The following SYTL5 variants were observed in gnomAD, a reference collection of about 807,000 sequenced individuals.
The protein encoded by SYTL5 is synaptotagmin like 5.
A neutral mutation model predicts 55.9 loss-of-function variants in SYTL5; 34 were observed. That is an observed-to-expected ratio of 0.61 (90% CI 0.46 to 0.81). SYTL5 has a LOEUF of 0.81. Among genes scored for constraint, SYTL5 ranks in the 30% least tolerant of loss-of-function variants. The pLI is 0.00. For missense variants in SYTL5, 637 were observed against 546.7 expected, an observed-to-expected ratio of 1.17 and a Z score of -1.65; for synonymous variants, 221 against 188.7, an observed-to-expected ratio of 1.17 and a Z score of -1.40.
In SYTL5 at chrX:38,106,490, C is replaced by T; in HGVS notation, c.1156-103C>T. Reference sequence around the variant, plus strand: ...TCTTTCCTCACCCTAGACTTCCATGCTCATTATAAAGAACAGGAACTATAA... The same window carrying T: ...TCTTTCCTCACCCTAGACTTCCATGTTCATTATAAAGAACAGGAACTATAA... On this transcript the variant is annotated intron_variant, in intron 10 of 16. Coordinates refer to ENST00000297875, the MANE Select transcript of SYTL5 (RefSeq NM_138780.3). The T allele has an allele frequency of 1.6e-5, 12 of 752,036 alleles. No individual in the cohort carries two copies. The South Asian group carries it at 2.6e-4, about 16-fold the overall frequency. The allele number at this position is 752,036 out of a possible 1,213,427, so 62.0% of individuals were successfully genotyped here. A position where few individuals can be genotyped will look rare whatever the true frequency, so the allele number is the denominator to read the frequency against.
At chrX:37,980,339 A>G in the SYTL5 span, among the ~76,000 whole-genome samples, 4 of 111,726 alleles carry the variant, frequency 3.6e-5, no homozygotes. Flanking sequence ...TGGTTCCACA[A>G]TTAGGTAGTG....
intron 2 of SYTL5, among the ~76,000 whole-genome samples, chrX:38,053,374 G>A (rs1935677882): frequency 8.9e-6 from 1 of 112,654 alleles, no homozygotes; most frequent in African/African-American, 3.2e-5. Flanking sequence ...AAACAATCAT[G>A]AAGGAATATT....
intron 14 of SYTL5, among the ~76,000 whole-genome samples, chrX:38,120,983 C>T (rs1937565579): frequency 9.0e-6 from 1 of 111,680 alleles, no homozygotes; most frequent in Non-Finnish European, 1.9e-5. Flanking sequence ...TTAATTTGCT[C>T]ATGGTTCTGC....
chrX:37,933,041 C>T, the SYTL5 span, among the ~76,000 whole-genome samples: 2 of 111,417 alleles, frequency 1.8e-5, no homozygotes, highest in South Asian at 7.7e-4. Flanking sequence ...ATTACTTCCA[C>T]TGACTCAGTT....
the SYTL5 span, among the ~76,000 whole-genome samples, chrX:37,953,926 C>T: frequency 9.0e-6 from 1 of 110,733 alleles, no homozygotes; most frequent in African/African-American, 3.3e-5. Flanking sequence ...AAGGGCAATG[C>T]GTATGTATTT....
At position 38,106,686 on chromosome X, in the gene SYTL5, T is replaced by A. The variant is rs1937223447; in HGVS notation, c.1249T>A (p.Cys417Ser). 8.3e-7 allele frequency: 1 copy of A among 1,208,484 alleles called. No individual in the cohort carries two copies. ...TGAAATCCTTCTCCATATCAGCTACTGCTACAAAACTGGTGGGCTGTACAT... is the reference window on the plus strand; with the variant it reads ...TGAAATCCTTCTCCATATCAGCTACAGCTACAAAACTGGTGGGCTGTACAT... ...SGEILLHISYCYKTGGLYIFV... is the reference protein window; with the variant it reads ...SGEILLHISYSYKTGGLYIFV... The change falls in exon 11 of 17, where the codon TGC becomes AGC. Residue 417 changes from cysteine to serine, a missense_variant. Transcript: ENST00000297875.
At chrX:37,977,815 C>G in the SYTL5 span, among the ~76,000 whole-genome samples, 1 of 109,124 alleles carries the variant, frequency 9.2e-6, no homozygotes, top group Non-Finnish European at 1.9e-5. Context: ...GACTCACAAG[C>G]AGTAAAAATG....
chrX:38,101,544 C>T (rs920936028), intron 9 of SYTL5, among the ~76,000 whole-genome samples: 2 of 110,187 alleles, frequency 1.8e-5, no homozygotes, highest in Non-Finnish European at 3.8e-5. Context: ...ATATTAATTT[C>T]ACCTGGTGTG....
At chrX:37,934,398 C>A in the SYTL5 span, among the ~76,000 whole-genome samples, 1 of 107,771 alleles carries the variant, frequency 9.3e-6, no homozygotes, top group East Asian at 2.9e-4. Context: ...TTGAAAAGTT[C>A]AATAACTAAA....
the SYTL5 span, among the ~76,000 whole-genome samples, chrX:37,952,514 G>C: frequency 9.0e-6 from 1 of 111,572 alleles, no homozygotes; most frequent in South Asian, 3.7e-4. Flanking sequence ...CAAAGGGTAG[G>C]GAAGTATACT....
intron 2 of SYTL5, among the ~76,000 whole-genome samples, chrX:38,048,527 CAAAA>C: frequency 1.5e-5 from 1 of 67,106 alleles, no homozygotes; most frequent in Middle Eastern, 8.9e-3. Flanking sequence ...GGGCAATTTA[CAAAA>C]AAAAAAAAAA....
chrX:37,946,945 CA>C, the SYTL5 span, among the ~76,000 whole-genome samples: 1 of 111,358 alleles, frequency 9.0e-6, no homozygotes, highest in Admixed American at 9.6e-5. Context: ...ACTTTACACA[CA>C]GATTCCGTAT....
chrX:37,891,600 T>C, the SYTL5 span, among the ~76,000 whole-genome samples: 1 of 111,632 alleles, frequency 9.0e-6, no homozygotes, highest in Admixed American at 9.5e-5. Context: ...AATTGTACAC[T>C]TTAAATGGGT....
Position 38,127,823 on chromosome X carries a change from C to G in SYTL5, c.*1093C>G, listed in dbSNP as rs771343230. 1 of 112,229 alleles carries G rather than the reference C, an allele frequency of 8.9e-6. No individual in the cohort carries two copies. Among genetic ancestry groups the G allele is most frequent in the East Asian group, 2.8e-4 (1 of 3,565 alleles). The allele number at this position is 112,229 out of a possible 1,213,427, so 9.2% of individuals were successfully genotyped here. On this transcript the variant is annotated 3_prime_UTR_variant, in exon 17 of 17. Coordinates refer to ENST00000297875, the MANE Select transcript of SYTL5 (RefSeq NM_138780.3). The stretch of plus-strand genomic sequence containing the variant: ...CTATAGGCCTGAGGTTCTAGGGCTT[C>G]TTATGCCTCATCCTCTTTAAGCCAA...
chrX:37,911,574 AT>A, the SYTL5 span, among the ~76,000 whole-genome samples: 1 of 111,239 alleles, frequency 9.0e-6, no homozygotes, highest in Non-Finnish European at 1.9e-5. Context: ...GGCATTGCAA[AT>A]TTCCCCCCTA....
rs1463669688 is a variant in SYTL5 at position 38,106,783 on chromosome X, G to A, written c.1334+12G>A. The A allele has an allele frequency of 1.7e-6, 2 of 1,168,200 alleles. No individual in the cohort carries two copies. The highest frequency in any genetic ancestry group is 2.5e-5 in the Admixed American group (1 of 40,447). On this transcript the variant is annotated intron_variant, in intron 11 of 16. Coordinates refer to ENST00000297875, the MANE Select transcript of SYTL5 (RefSeq NM_138780.3). ...CAGAGGACAGATGCGTAAGCACATA[G>A]CATGTTCCTCAGACTATTTCAGTCA... is the stretch of plus-strand genomic sequence containing the variant.
chrX:38,008,866 G>T, intron 1 of SYTL5, among the ~76,000 whole-genome samples: 1 of 111,760 alleles, frequency 8.9e-6, no homozygotes. Flanking sequence ...TGACAGCTAT[G>T]CATCAGGCAT....
chrX:38,043,486 C>T (rs1303416198), intron 2 of SYTL5, among the ~76,000 whole-genome samples: 1 of 104,023 alleles, frequency 9.6e-6, no homozygotes, highest in African/African-American at 3.5e-5. Context: ...TCTGCTTAAA[C>T]ATTTAATATT....
the SYTL5 span, among the ~76,000 whole-genome samples, chrX:37,916,905 C>G: frequency 3.6e-5 from 4 of 111,405 alleles, 1 homozygote; most frequent in African/African-American, 3.3e-5. Flanking sequence ...TTATTCTGTT[C>G]CAGGATCCCA....
Sources: allele counts gnomAD v4.1 joint callset (sites outside exome capture counted in the v4.1 genomes callset), GRCh38; gene constraint gnomAD v4.1.1; transcripts MANE v1.5; gene names NCBI Gene and HGNC (gene_info 2026-07-23, HGNC 2026-07-21).